The following OGFOD1 variants were observed in gnomAD, a reference collection of about 807,000 sequenced individuals.
OGFOD1 encodes 2-oxoglutarate and iron dependent oxygenase domain containing 1.
A neutral mutation model predicts 67.7 loss-of-function variants in OGFOD1; 54 were observed. The observed-to-expected ratio is 0.80, with a 90% CI of 0.64 to 1.00. The LOEUF is 1.00. Among genes scored for constraint, OGFOD1 ranks in the 50% least tolerant of loss-of-function variants. The pLI is 0.00. For synonymous variants in OGFOD1, 221 were observed against 227.0 expected (o/e 0.97, Z 0.24); for missense variants, 606 against 646.7 (o/e 0.94, Z 0.68).
At chr16:56,456,180 C>A (rs1962516418) in intron 2 of OGFOD1, among the ~76,000 whole-genome samples, 1 of 152,202 alleles carries the variant, frequency 6.6e-6, no homozygotes, top group Admixed American at 6.5e-5. Context: ...CTCCTTCCTC[C>A]TGGAGACTTT....
intron 5 of OGFOD1, 130 bp downstream of exon 5, chr16:56,466,398 G>A (rs1962902337): frequency 3.2e-6 from 2 of 619,272 alleles, no homozygotes. Flanking sequence ...ATTTATTATA[G>A]TAACTACCTC....
rs1488328809 is a variant in OGFOD1 at position 56,463,463 on chromosome 16, T to A, written c.448+829T>A. Among the ~76,000 whole-genome samples, 8 of 144,770 alleles carry A rather than the reference T, an allele frequency of 5.5e-5. No individual in the cohort carries two copies. In the East Asian group the frequency reaches 1.7e-3, roughly 31 times the overall value. 95.0% of individuals were successfully genotyped at this position (144,770 alleles called of 152,430 possible). ...TTTGAGACGGAGTCTCCCTCTGTTG[T>A]CCAGGCTGGAATGCAGTGGCGTGAT... On this transcript the variant is annotated intron_variant, in intron 4 of 12. Coordinates refer to ENST00000566157, the MANE Select transcript of OGFOD1 (RefSeq NM_018233.4).
At chr16:56,469,908 C>A in intron 8 of OGFOD1, 95 bp from the exon 9 acceptor site, 1 of 893,324 alleles carries the variant, frequency 1.1e-6, no homozygotes, top group Non-Finnish European at 1.8e-6. Flanking sequence ...TAGGAATCAG[C>A]CAGATTGATG....
At chr16:56,468,162 A>G (rs1962983479) in intron 8 of OGFOD1, 144 bp downstream of exon 8, 3 of 607,220 alleles carry the variant, frequency 4.9e-6, no homozygotes, top group Non-Finnish European at 8.8e-6. Flanking sequence ...TGAAACATAG[A>G]AATGATGATA....
In OGFOD1 at chr16:56,451,649, C is replaced by T. The variant is rs149561184; in HGVS notation, c.37C>T (p.Arg13Trp). The change falls in exon 1 of 13, where the codon CGG becomes TGG. Residue 13 changes from arginine to tryptophan, a missense_variant. Transcript: ENST00000566157. ...GKRPAEPGPARVGKKGKKEVM... is the reference protein window; with the variant it reads ...GKRPAEPGPAWVGKKGKKEVM... ...GCGGCCAGCGGAGCCCGGCCCAGCC[C>T]GGGTGGGAAAAAAGGGAAAGAAGGA... is the stretch of plus-strand genomic sequence containing the variant. 8 of 1,613,710 alleles carry T rather than the reference C, an allele frequency of 5.0e-6. No individual in the cohort carries two copies. The African/African-American group carries it at 6.7e-5, about 13-fold the overall frequency.
intron 2 of OGFOD1, among the ~76,000 whole-genome samples, chr16:56,457,854 A>G (rs1567545746): frequency 6.6e-6 from 1 of 151,948 alleles, no homozygotes; most frequent in Admixed American, 6.6e-5. Flanking sequence ...TAATTTTTGT[A>G]TTTTTAGTAG....
chr16:56,453,277 G>T lies in OGFOD1; in HGVS notation c.169G>T (p.Asp57Tyr), dbSNP rs887850009. Residue 57 changes from aspartate (D) to tyrosine (Y), a missense_variant, in exon 2 of 13, where the codon GAC (aspartate) becomes TAC (tyrosine). Physicochemically the swap from Asp to Tyr is radical, Grantham distance 160. Coordinates refer to ENST00000566157, the MANE Select transcript of OGFOD1 (RefSeq NM_018233.4). The stretch of plus-strand genomic sequence containing the variant: ...TCTTCCAACAGAAGTCATTGTCATG[G>T]ACATGGACCCTTTTCTTCACTGTGT... ...TPFSHEVIVM[D>Y]MDPFLHCVIP... 25 of 1,612,392 alleles carry T rather than the reference G, an allele frequency of 1.6e-5. No homozygotes were observed. Among genetic ancestry groups the T allele is most frequent in the Middle Eastern group, 1.7e-4 (1 of 6,054 alleles).
rs1359384164 is a variant in OGFOD1, at chr16:56,475,379, C to A, written c.1409-128C>A. The A allele has an allele frequency of 1.2e-5, 10 of 848,416 alleles. No individual in the cohort carries two copies. The Admixed American group carries it at 1.9e-4, about 17-fold the overall frequency. 52.6% of individuals were successfully genotyped at this position (848,416 alleles called of 1,614,324 possible). ...AGATGATAAGTTCAAGCTCATAAGT[C>A]ATAGAACCAGTTACTGCTGAACTCC... is the stretch of plus-strand genomic sequence containing the variant. On this transcript the variant is annotated intron_variant, in intron 11 of 12. Transcript: ENST00000566157.
intron 1 of OGFOD1, chr16:56,452,001 A>G (rs1459478245): frequency 1.9e-6 from 1 of 518,790 alleles, no homozygotes; most frequent in African/African-American, 1.9e-5. Context: ...TTTGGGAAGC[A>G]GAGGGTATGC....
intron 8 of OGFOD1, among the ~76,000 whole-genome samples, chr16:56,469,406 C>G (rs1473623626): frequency 2.6e-5 from 4 of 152,116 alleles, no homozygotes; most frequent in Non-Finnish European, 5.9e-5. Context: ...ATAAATGCAG[C>G]AGTCTGGGAG....
intron 11 of OGFOD1, 149 bp from the exon 12 acceptor site, chr16:56,475,358 G>C (rs914928661): frequency 3.0e-5 from 22 of 740,710 alleles, no homozygotes; most frequent in African/African-American, 7.1e-5. Flanking sequence ...TAAACTAGAT[G>C]ATAAGTTCAA....
intron 2 of OGFOD1, among the ~76,000 whole-genome samples, chr16:56,457,145 A>G (rs187112787): frequency 6.6e-6 from 1 of 152,388 alleles, no homozygotes; most frequent in Admixed American, 6.5e-5. Flanking sequence ...ACAAATGTTC[A>G]TAGCAGCTTT....
intron 6 of OGFOD1, 74 bp from the exon 7 acceptor site, chr16:56,467,091 C>T: frequency 6.3e-7 from 1 of 1,596,528 alleles, no homozygotes; most frequent in Non-Finnish European, 8.6e-7. Context: ...GCATGGAGGA[C>T]CCTGAAATTA....
At chr16:56,470,939 TTTGGGAGCTTACATTCTA>T (rs1162635194) in intron 10 of OGFOD1, 148 bp downstream of exon 10, 1 of 741,242 alleles carries the variant, frequency 1.3e-6, no homozygotes, top group Non-Finnish European at 2.2e-6. Flanking sequence ...GTCTCTGGTC[TTTGGGAGCTTACATTCTA>T]GTAGAAGAAG....
Position 56,466,288 on chromosome 16 carries a change from A to C in OGFOD1, c.565+20A>C. The C allele has an allele frequency of 6.7e-7, 1 of 1,492,266 alleles. No homozygotes were observed. Among genetic ancestry groups the C allele is most frequent in the Non-Finnish European group, 9.3e-7 (1 of 1,069,908 alleles). 92.4% of individuals were successfully genotyped at this position (1,492,266 alleles called of 1,614,324 possible). A position where few individuals can be genotyped will look rare whatever the true frequency, so the allele number is the denominator to read the frequency against. On this transcript the variant is annotated intron_variant, in intron 5 of 12. Coordinates refer to ENST00000566157, the MANE Select transcript of OGFOD1 (RefSeq NM_018233.4). ...TTGATGGTAAGATAAGTATAAGTGC[A>C]TGCACTTCACCACCAGTGGCACTTC...
intron 8 of OGFOD1, among the ~76,000 whole-genome samples, chr16:56,468,365 C>A (rs1404437511): frequency 1.3e-5 from 2 of 152,116 alleles, no homozygotes; most frequent in Non-Finnish European, 2.9e-5. Flanking sequence ...ACTAATAGAT[C>A]AATATCTGTT....
chr16:56,454,265 T>A (rs1962436178), intron 2 of OGFOD1, among the ~76,000 whole-genome samples: 2 of 152,122 alleles, frequency 1.3e-5, no homozygotes, highest in South Asian at 4.1e-4. Flanking sequence ...GGAGAATCAC[T>A]TGAACCCAGG....
intron 10 of OGFOD1, among the ~76,000 whole-genome samples, chr16:56,473,562 T>C (rs1194460351): frequency 2.6e-5 from 4 of 152,206 alleles, no homozygotes; most frequent in African/African-American, 9.6e-5. Context: ...CCCACCAGCA[T>C]TGTACATGAT....
intron 5 of OGFOD1, 53 bp from the exon 6 acceptor site, chr16:56,466,823 G>A: frequency 3.7e-6 from 5 of 1,335,814 alleles, no homozygotes; most frequent in Non-Finnish European, 4.3e-6. Flanking sequence ...GTAAAATGAG[G>A]CAGGCTGGAA....
Sources: allele counts gnomAD v4.1 joint callset (sites outside exome capture counted in the v4.1 genomes callset), GRCh38; gene constraint gnomAD v4.1.1; transcripts MANE v1.5; gene names NCBI Gene and HGNC (gene_info 2026-07-23, HGNC 2026-07-21).